NOL6: variants seen among roughly 807,000 people sequenced by gnomAD.
The protein encoded by NOL6 is nucleolar protein 6.
In NOL6, 33 loss-of-function variants were observed where a neutral mutation model predicts 131.7. The ratio of observed to expected loss-of-function variants is 0.25; its 90% CI spans 0.19 to 0.33. NOL6 has a LOEUF of 0.33. NOL6 is among the 10% of genes least tolerant of loss of function. The probability of loss-of-function intolerance (pLI) is 1.00; values close to 1 mark genes in which losing one functional copy is unlikely to be tolerated. For synonymous variants in NOL6, 580 were observed against 605.7 expected (o/e 0.96, Z 0.62); for missense variants, 1,297 against 1,494.5 (o/e 0.87, Z 2.18).
Position 33,462,211 on chromosome 9 carries a change from A to T in NOL6, c.*453T>A, listed in dbSNP as rs1827112985. The T allele has an allele frequency of 1.4e-6, 1 of 717,404 alleles. No individual in the cohort carries two copies. Among genetic ancestry groups the T allele is most frequent in the Non-Finnish European group, 2.6e-6 (1 of 385,102 alleles). 44.4% of individuals were successfully genotyped at this position (717,404 alleles called of 1,614,324 possible). ...AAGGGCCACATTTTCGCTGGGTCCC[A>T]TCTAAAGGCCTGACACTGCAGTGAA... is the stretch of plus-strand genomic sequence containing the variant. On this transcript the variant is annotated 3_prime_UTR_variant, in exon 26 of 26. Coordinates refer to ENST00000297990, the MANE Select transcript of NOL6 (RefSeq NM_022917.5).
chr9:33,469,358 G>A lies in NOL6; in HGVS notation c.728-17C>T. The A allele has an allele frequency of 3.7e-6, 6 of 1,613,978 alleles. No homozygotes were observed. The highest frequency in any genetic ancestry group is 5.1e-6 in the Non-Finnish European group (6 of 1,179,974). ...CATCCTTTCCTGCCAGAGACAGTGA[G>A]TGCTGAGACTCTGCAGGAGCCCTTG... On this transcript the variant is annotated splice_polypyrimidine_tract_variant and intron_variant, in intron 5 of 25. Coordinates refer to ENST00000297990, the MANE Select transcript of NOL6 (RefSeq NM_022917.5).
In NOL6 at chr9:33,463,431, C is replaced by T. The variant is rs1309421417; in HGVS notation, c.3005G>A (p.Arg1002Gln). Residue 1002 changes from arginine (R) to glutamine (Q), a missense_variant, in exon 24 of 26, where the codon CGG becomes CAG. Transcript: ENST00000297990. Reference sequence around the variant, plus strand: ...CACGTCGTAAATGTCCAAGGGCGGCCGGAACACTGTCTAAGGAAGGGGAGA... The same window carrying T: ...CACGTCGTAAATGTCCAAGGGCGGCTGGAACACTGTCTAAGGAAGGGGAGA... The part of the protein sequence containing the change: ...RGPGDIRTVF[R>Q]PPLDIYDVLI... 5.0e-6 allele frequency: 8 copies of T among 1,610,860 alleles called. No individual in the cohort carries two copies. Among genetic ancestry groups the T allele is most frequent in the East Asian group, 2.2e-5 (1 of 44,830 alleles).
intron 8 of NOL6, 42 bp from the exon 9 acceptor site, chr9:33,468,608 G>A (rs1175838169): frequency 6.2e-7 from 1 of 1,606,170 alleles, no homozygotes; most frequent in South Asian, 1.1e-5. Flanking sequence ...TCCCCTTCTG[G>A]GGACCCAGCC....
In NOL6 at chr9:33,462,531, G is replaced by A. The variant is rs924372377; in HGVS notation, c.*133C>T. 1.6e-5 allele frequency: 16 copies of A among 1,025,358 alleles called. No homozygotes were observed. The Admixed American group carries it at 3.8e-4, about 24-fold the overall frequency. The allele number at this position is 1,025,358 out of a possible 1,614,324, so 63.5% of individuals were successfully genotyped here. ...GTTGGGGCTGGGTTTTGTTGGAGAT[G>A]ATTCAGCATGTTCAGCCAGCAGGCC... is the stretch of plus-strand genomic sequence containing the variant. On this transcript the variant is annotated 3_prime_UTR_variant, in exon 26 of 26. Transcript: ENST00000297990.
chr9:33,461,947 A>C lies in NOL6; in HGVS notation c.*717T>G, dbSNP rs867094508. 1.3e-4 allele frequency: 73 copies of C among 555,920 alleles called. 2 individuals carry two copies. In the South Asian group the frequency reaches 1.3e-3, roughly 10 times the overall value. The allele number at this position is 555,920 out of a possible 1,614,324, so 34.4% of individuals were successfully genotyped here. A position where few individuals can be genotyped will look rare whatever the true frequency, so the allele number is the denominator to read the frequency against. On this transcript the variant is annotated 3_prime_UTR_variant, in exon 26 of 26. Transcript: ENST00000297990. ...CAGTTTGTGACATGAACGGGCAAACAGCCAGGGCAGATGCAGCTAACGGGT... is the reference window on the plus strand; with the variant it reads ...CAGTTTGTGACATGAACGGGCAAACCGCCAGGGCAGATGCAGCTAACGGGT...
At position 33,462,726 on chromosome 9, in the gene NOL6, C is replaced by T. The variant is rs2119003135; in HGVS notation, c.3379G>A (p.Ala1127Thr). Reference sequence around the variant, plus strand: ...TGCACCAGGCCTTCACCCAGCACAGCAAAGTCCTCCAGGATTGCTTCAACA... The same window carrying T: ...TGCACCAGGCCTTCACCCAGCACAGTAAAGTCCTCCAGGATTGCTTCAACA... ...PNVEAILEDF[A>T]VLGEGLVQTV... Residue 1127 changes from alanine (A) to threonine (T), a missense_variant, in exon 26 of 26, where the codon GCT becomes ACT. By Grantham distance (58) the Ala-to-Thr change is moderately conservative. Coordinates refer to ENST00000297990, the MANE Select transcript of NOL6 (RefSeq NM_022917.5). 2 of 1,614,162 alleles carry T rather than the reference C, an allele frequency of 1.2e-6. No homozygotes were observed. Among genetic ancestry groups the T allele is most frequent in the Non-Finnish European group, 1.7e-6 (2 of 1,180,038 alleles).
Position 33,473,822 on chromosome 9 carries a change from T to A in NOL6, c.21A>T (p.Gly7=). Residue 7 remains glycine, a synonymous_variant, in exon 1 of 26, where the codon GGA becomes GGT. Transcript: ENST00000297990. The stretch of plus-strand genomic sequence containing the variant: ...CTCCAGTCGCTCCGCGAAGCTGCTC[T>A]CCAGCTGGCGCCGGCCCCATCACTC... The part of the protein sequence containing the change: MGPAPA[G]EQLRGATGEP... 1 of 1,611,638 alleles carries A rather than the reference T, an allele frequency of 6.2e-7. No homozygotes were observed. The highest frequency in any genetic ancestry group is 8.5e-7 in the Non-Finnish European group (1 of 1,180,010).
intron 21 of NOL6, among the ~76,000 whole-genome samples, chr9:33,464,655 CCCG>C (rs1243623105): frequency 6.6e-6 from 1 of 152,166 alleles, no homozygotes; most frequent in East Asian, 1.9e-4. Flanking sequence ...TCCACAGCCC[CCCG>C]CCAGGTAGCT....
Position 33,468,537 on chromosome 9 carries a change from T to C in NOL6, c.1177A>G (p.Ser393Gly), listed in dbSNP as rs745986122. The change falls in exon 9 of 26, where the codon AGT (serine) becomes GGT (glycine). Residue 393 changes from serine (S) to glycine (G), a missense_variant. Ser to Gly is a moderately conservative substitution (Grantham distance 56). Coordinates refer to ENST00000297990, the MANE Select transcript of NOL6 (RefSeq NM_022917.5). ...GAGGGATCTGAGCTGAGACATAAAC[T>C]GATCCCGTTGACTGTCAGGTCTGTA... ...ATTDLTVNGI[S>G]LCLSSDPSLP... 1.2e-6 allele frequency: 2 copies of C among 1,614,164 alleles called. No homozygotes were observed. The highest frequency in any genetic ancestry group is 4.5e-5 in the East Asian group (2 of 44,878).
rs759119967 is a variant in NOL6 at position 33,472,310 on chromosome 9, C to A, written c.157G>T (p.Val53Leu). 6.2e-7 allele frequency: 1 copy of A among 1,614,232 alleles called. No individual in the cohort carries two copies. ...TACAGTTCTGCCCTGCTGAGCTTCA[C>A]TGGCTGCAGGAGGCCCTTCGCTGGA... ...EPPAKGLLQPVKLSRAELYKE... is the reference protein window; with the variant it reads ...EPPAKGLLQPLKLSRAELYKE... The change falls in exon 2 of 26, where the codon GTG becomes TTG. Residue 53 changes from valine to leucine, a missense_variant. Coordinates refer to ENST00000297990, the MANE Select transcript of NOL6 (RefSeq NM_022917.5).
chr9:33,472,942 T>C (rs1297919645), intron 1 of NOL6, among the ~76,000 whole-genome samples: 3 of 140,826 alleles, frequency 2.1e-5, no homozygotes, highest in Non-Finnish European at 4.5e-5. Flanking sequence ...CATTGCATTC[T>C]AGCCTGGGCA....
chr9:33,470,913 G>C (rs903661616), intron 3 of NOL6, among the ~76,000 whole-genome samples: 4 of 151,796 alleles, frequency 2.6e-5, no homozygotes, highest in African/African-American at 7.3e-5. Context: ...TGTCCCTCTC[G>C]ATTCTACTTT....
chr9:33,472,968 CAAAAAAAA>C (rs398040337), intron 1 of NOL6, among the ~76,000 whole-genome samples: 1 of 70,938 alleles, frequency 1.4e-5, no homozygotes, highest in East Asian at 4.8e-4. Flanking sequence ...GCAAGACTGT[CAAAAAAAA>C]AAAAAAAAAA....
In NOL6 at chr9:33,464,058, T is replaced by C; in HGVS notation, c.2883A>G (p.Thr961=). Reference sequence around the variant, plus strand: ...GAACCTGGGCTGAGGGTCCATCCTGTGTCCACACAGAGTTTTTGCGGTCTT... The same window carrying C: ...GAACCTGGGCTGAGGGTCCATCCTGCGTCCACACAGAGTTTTTGCGGTCTT... ...TPQDRKNSVW[T]QDGPSAQILQ... is the part of the protein sequence containing the mutation. Residue 961 remains threonine (T), a synonymous_variant, in exon 22 of 26, where the codon ACA becomes ACG. Transcript: ENST00000297990. 1 of 1,613,618 alleles carries C rather than the reference T, an allele frequency of 6.2e-7. No homozygotes were observed. The highest frequency in any genetic ancestry group is 8.5e-7 in the Non-Finnish European group (1 of 1,179,730).
At chr9:33,466,470 G>C in intron 16 of NOL6, 45 bp from the exon 17 acceptor site, 1 of 1,611,664 alleles carries the variant, frequency 6.2e-7, no homozygotes. Flanking sequence ...GACTGGGAGG[G>C]AGTGCCCAGA....
In NOL6 at chr9:33,472,004, C is replaced by G. The variant is rs1228410360; in HGVS notation, c.378G>C (p.Glu126Asp). Residue 126 changes from glutamate to aspartate, a missense_variant and splice_region_variant, in exon 3 of 26, where the codon GAG becomes GAC. Transcript: ENST00000297990. Reference sequence around the variant, plus strand: ...CCAGTTCCCCAGGCCACTTGCTTACCTCTGTCTCAGGGACTGAGGGCACCC... The same window carrying G: ...CCAGTTCCCCAGGCCACTTGCTTACGTCTGTCTCAGGGACTGAGGGCACCC... The part of the protein sequence containing the change: ...VVRVPSVPET[E>D]LTDQAWLPAG... The G allele has an allele frequency of 6.2e-7, 1 of 1,610,040 alleles. No homozygotes were observed. Among genetic ancestry groups the G allele is most frequent in the Admixed American group, 1.7e-5 (1 of 60,016 alleles).
At chr9:33,470,391 T>C (rs775686143) in intron 3 of NOL6, 200 bp from the exon 4 acceptor site, 3 of 425,330 alleles carry the variant, frequency 7.1e-6, no homozygotes, top group African/African-American at 2.0e-5. Context: ...CTTAGCTCTG[T>C]TAAGAATACC....
chr9:33,469,759 C>A (rs1827356793), intron 4 of NOL6, 92 bp from the exon 5 acceptor site: 2 of 1,478,734 alleles, frequency 1.4e-6, no homozygotes, highest in Non-Finnish European at 1.8e-6. Flanking sequence ...AGCCAGGGCT[C>A]CTCTGCTGAC....
intron 4 of NOL6, 32 bp downstream of exon 4, chr9:33,469,980 T>C (rs780117796): frequency 6.6e-7 from 1 of 1,515,876 alleles, no homozygotes; most frequent in Non-Finnish European, 8.9e-7. Context: ...AGTCAGGTGG[T>C]GGGCCTCTAT....
Sources: allele counts gnomAD v4.1 joint callset (sites outside exome capture counted in the v4.1 genomes callset), GRCh38; gene constraint gnomAD v4.1.1; transcripts MANE v1.5; gene names NCBI Gene and HGNC (gene_info 2026-07-23, HGNC 2026-07-21).